THUMPD2: variants seen among roughly 807,000 people sequenced by gnomAD.
THUMPD2 encodes U6 snRNA (guanine-N(2))-methyltransferase THUMPD2.
In THUMPD2, 56 loss-of-function variants were observed where a neutral mutation model predicts 49.4. The ratio of observed to expected loss-of-function variants is 1.13; its 90% CI spans 0.91 to 1.41. The LOEUF (loss-of-function observed/expected upper bound fraction) is 1.41, where lower values mean the gene tolerates loss of function less well. THUMPD2 is among the 40% of genes most tolerant of loss of function. The pLI is 0.00. For synonymous variants in THUMPD2, 237 were observed against 205.2 expected (o/e 1.15, Z -1.32); for missense variants, 709 against 594.5 (o/e 1.19, Z -2.00).
intron 4 of THUMPD2, among the ~76,000 whole-genome samples, chr2:39,766,614 T>C (rs1434427216): frequency 6.6e-6 from 1 of 152,210 alleles, no homozygotes; most frequent in Non-Finnish European, 1.5e-5. Flanking sequence ...CTTTCTTCTG[T>C]TAGGCCATGA....
At chr2:39,771,423 T>C in intron 2 of THUMPD2, 82 bp downstream of exon 2, 1 of 1,375,132 alleles carries the variant, frequency 7.3e-7, no homozygotes, top group South Asian at 1.5e-5. Context: ...AAGTGTAAAA[T>C]GGCTACATAT....
chr2:39,743,226 A>G (rs912409143), intron 9 of THUMPD2, among the ~76,000 whole-genome samples: 2 of 152,194 alleles, frequency 1.3e-5, no homozygotes, highest in Non-Finnish European at 2.9e-5. Flanking sequence ...GTGTTATCAA[A>G]TTCCCAGCTA....
intron 1 of THUMPD2, among the ~76,000 whole-genome samples, chr2:39,776,182 T>C (rs1679066271): frequency 6.6e-6 from 1 of 152,202 alleles, no homozygotes; most frequent in African/African-American, 2.4e-5. Context: ...TTCTTCAAAG[T>C]AGTCTAAGTG....
chr2:39,768,578 G>C, intron 3 of THUMPD2, 77 bp from the exon 4 acceptor site: 1 of 1,169,078 alleles, frequency 8.6e-7, no homozygotes. Context: ...AACTAACAGA[G>C]TAGCCTATAA....
rs1674051199 is a variant in THUMPD2, at chr2:39,742,650, T to C, written c.1187+1720A>G. Among the ~76,000 whole-genome samples the C allele has an allele frequency of 1.3e-5, 2 of 152,118 alleles. 1 individual carries two copies. Among genetic ancestry groups the C allele is most frequent in the South Asian group, 4.1e-4 (2 of 4,830 alleles). ...ACATTAGTATCTCACCATGAATTGG[T>C]TAAAGGTATAGATGCAGATTATCTA... On this transcript the variant is annotated intron_variant, in intron 9 of 9. Transcript: ENST00000505747.
intron 5 of THUMPD2, among the ~76,000 whole-genome samples, chr2:39,761,702 A>C (rs1676847782): frequency 6.6e-6 from 1 of 152,138 alleles, no homozygotes; most frequent in South Asian, 2.1e-4. Flanking sequence ...ACATGAGGAA[A>C]ATCTTTCTTA....
intron 1 of THUMPD2, among the ~76,000 whole-genome samples, chr2:39,773,660 T>A (rs552098512): frequency 1.0e-3 from 148 of 148,474 alleles, no homozygotes; most frequent in Non-Finnish European, 1.9e-3. Flanking sequence ...CTGGGGCAAG[T>A]GGTTTCCAAA....
intron 9 of THUMPD2, 52 bp from the exon 10 acceptor site, chr2:39,737,111 A>G (rs752576869): frequency 4.1e-6 from 6 of 1,468,828 alleles, no homozygotes; most frequent in Non-Finnish European, 5.5e-6. Flanking sequence ...CTAGACAACA[A>G]ACAATCCCAC....
intron 9 of THUMPD2, among the ~76,000 whole-genome samples, chr2:39,737,400 A>G (rs575734831): frequency 1.3e-5 from 2 of 152,356 alleles, no homozygotes; most frequent in Middle Eastern, 3.4e-3. Context: ...ACAGCAGAAG[A>G]AAGTTAACAG....
At position 39,779,114 on chromosome 2, in the gene THUMPD2, C is replaced by T; in HGVS notation, c.126G>A (p.Gln42=). 2 of 1,509,518 alleles carry T rather than the reference C, an allele frequency of 1.3e-6. No individual in the cohort carries two copies. Among genetic ancestry groups the T allele is most frequent in the Non-Finnish European group, 1.8e-6 (2 of 1,135,548 alleles). The allele number at this position is 1,509,518 out of a possible 1,614,324, so 93.5% of individuals were successfully genotyped here. The stretch of plus-strand genomic sequence containing the variant: ...CAGGCGCGCAGCGAGGCCAACTCAC[C>T]TGCGTGGCCGCCAGCCGCGCCCGCA... ...REVRARLAAT[Q]VEYISGKVFF... Residue 42 remains glutamine (Q), a splice_region_variant and synonymous_variant, in exon 1 of 10, where the codon CAG becomes CAA. Coordinates refer to ENST00000505747, the MANE Select transcript of THUMPD2 (RefSeq NM_025264.5).
chr2:39,757,275 G>T, intron 6 of THUMPD2: 2 of 731,476 alleles, frequency 2.7e-6, no homozygotes, highest in Non-Finnish European at 4.3e-6. Flanking sequence ...TCGTGCTCGA[G>T]ATAGGGGAGA....
At chr2:39,753,241 A>T (rs879304502) in intron 8 of THUMPD2, among the ~76,000 whole-genome samples, 2 of 152,094 alleles carry the variant, frequency 1.3e-5, no homozygotes, top group Non-Finnish European at 2.9e-5. Flanking sequence ...TTCTCTCAAG[A>T]GCCCCTCCAG....
chr2:39,736,657 AT>A lies in THUMPD2; in HGVS notation c.*77del. On this transcript the variant is annotated 3_prime_UTR_variant, in exon 10 of 10. Coordinates refer to ENST00000505747, the MANE Select transcript of THUMPD2 (RefSeq NM_025264.5). ...TTACTTGGAGCTCTGTGGGTGCTAT[AT>A]GAATCCTAGAGACAGCAAACTTCTG... 7.4e-7 allele frequency: 1 copy of A among 1,357,434 alleles called. No individual in the cohort carries two copies. Among genetic ancestry groups the A allele is most frequent in the Non-Finnish European group, 9.9e-7 (1 of 1,006,758 alleles). The allele number at this position is 1,357,434 out of a possible 1,614,324, so 84.1% of individuals were successfully genotyped here.
At chr2:39,758,691 T>C (rs1676439985) in intron 6 of THUMPD2, among the ~76,000 whole-genome samples, 1 of 151,946 alleles carries the variant, frequency 6.6e-6, no homozygotes, top group South Asian at 2.1e-4. Flanking sequence ...TTACCATTTA[T>C]AGGATTCTGG....
intron 8 of THUMPD2, among the ~76,000 whole-genome samples, chr2:39,750,947 T>C (rs1010082394): frequency 2.6e-5 from 4 of 152,264 alleles, no homozygotes; most frequent in East Asian, 1.9e-4. Flanking sequence ...CTGAAAGAGT[T>C]TGTTACAAAA....
At position 39,766,065 on chromosome 2, in the gene THUMPD2, A is replaced by G; in HGVS notation, c.795T>C (p.Pro265=). 1.3e-6 allele frequency: 2 copies of G among 1,584,456 alleles called. No homozygotes were observed. The highest frequency in any genetic ancestry group is 1.2e-5 in the South Asian group (1 of 85,144). ...LNDIYSVVGI[P]VFRVSLASRA... ...AAGCTTAGAATATCTACCTGAACACAGGAATCCCCACCACAGAGTAAATGT... is the reference window on the plus strand; with the variant it reads ...AAGCTTAGAATATCTACCTGAACACGGGAATCCCCACCACAGAGTAAATGT... Residue 265 remains proline (P), a synonymous_variant, in exon 5 of 10, where the codon CCT becomes CCC. Transcript: ENST00000505747.
intron 8 of THUMPD2, among the ~76,000 whole-genome samples, chr2:39,750,651 G>A (rs1279586493): frequency 6.6e-6 from 1 of 151,902 alleles, no homozygotes; most frequent in Non-Finnish European, 1.5e-5. Flanking sequence ...AGGTTGCAGT[G>A]AGCCAAGATT....
intron 9 of THUMPD2, among the ~76,000 whole-genome samples, chr2:39,740,286 C>T (rs1673725259): frequency 6.6e-6 from 1 of 152,122 alleles, no homozygotes; most frequent in Admixed American, 6.5e-5. Flanking sequence ...CATAATGGTA[C>T]ATACATATAA....
At chr2:39,761,295 C>T (rs764081721) in intron 6 of THUMPD2, 36 bp downstream of exon 6, 1 of 1,570,958 alleles carries the variant, frequency 6.4e-7, no homozygotes, top group South Asian at 1.1e-5. Context: ...ATGAAAAGAA[C>T]CTTGCTATTA....
Sources: gnomAD v4.1 joint callset for allele counts (sites outside exome capture counted in the v4.1 genomes callset) on GRCh38, gnomAD v4.1.1 for gene constraint, MANE v1.5 for transcripts, NCBI Gene and HGNC (gene_info 2026-07-23, HGNC 2026-07-21) for gene names.